The following ZNF214 variants were observed in gnomAD, a reference collection of about 807,000 sequenced individuals.
ZNF214 encodes BWSCR2-associated zinc finger protein 1.
Under a neutral mutation model 53.9 loss-of-function variants are expected in ZNF214, and 43 were observed. The observed-to-expected ratio is 0.80, with a 90% CI of 0.63 to 1.03. The LOEUF is 1.03. Among genes scored for constraint, ZNF214 ranks in the 50% least tolerant of loss-of-function variants. The probability of loss-of-function intolerance (pLI) is 0.00; values close to 1 mark genes in which losing one functional copy is unlikely to be tolerated. For missense variants in ZNF214, 724 were observed against 719.1 expected (o/e 1.01, Z -0.08); for synonymous variants, 217 against 229.5 (o/e 0.95, Z 0.49).
chr11:7,017,586 A>T (rs1046182385), intron 1 of ZNF214, among the ~76,000 whole-genome samples: 7 of 152,108 alleles, frequency 4.6e-5, no homozygotes, highest in Non-Finnish European at 8.8e-5. Context: ...AAAATACAAA[A>T]AAATTAGCTG....
Position 7,000,368 on chromosome 11 carries a change from C to G in ZNF214, c.1315G>C (p.Glu439Gln). ...CAGTCATCACATTTATAAGGTTTCT[C>G]TCCTGTATGCACTCTCTGATGAATT... Reference protein sequence around the residue: ...LQIHQRVHTGEKPYKCDDCGK... With the variant: ...LQIHQRVHTGQKPYKCDDCGK... The change falls in exon 3 of 3, where the codon GAG becomes CAG. Residue 439 changes from glutamate to glutamine, a missense_variant. Transcript: ENST00000278314. 1 of 1,613,436 alleles carries G rather than the reference C, an allele frequency of 6.2e-7. No individual in the cohort carries two copies. The highest frequency in any genetic ancestry group is 8.5e-7 in the Non-Finnish European group (1 of 1,179,588).
At position 6,999,595 on chromosome 11, in the gene ZNF214, GAAGA is replaced by G. The variant is rs1487872928; in HGVS notation, c.*263_*266del. 1 of 249,670 alleles carries G rather than the reference GAAGA, an allele frequency of 4.0e-6. No homozygotes were observed. Among genetic ancestry groups the G allele is most frequent in the Non-Finnish European group, 7.6e-6 (1 of 132,312 alleles). 15.5% of individuals were successfully genotyped at this position (249,670 alleles called of 1,614,324 possible). ...AAAAAAGACTAGAATGAAATAGAAT[GAAGA>G]GTTTTCTCCTTAAATGTTTAATATA... On this transcript the variant is annotated 3_prime_UTR_variant, in exon 3 of 3. Transcript: ENST00000278314.
intron 1 of ZNF214, among the ~76,000 whole-genome samples, chr11:7,012,032 G>T (rs2133408468): frequency 6.6e-6 from 1 of 152,262 alleles, no homozygotes; most frequent in East Asian, 1.9e-4. Context: ...TATTCAGATG[G>T]CTATTCTGAG....
Position 7,000,070 on chromosome 11 carries a change from C to T in ZNF214, c.1613G>A (p.Ser538Asn). ...CHDCGKGFSH[S>N]SNLHIHQRVH... ...CCTCTGATGAATGTGAAGATTAGAA[C>T]TGTGACTAAAACCCTTTCCACAATC... The change falls in exon 3 of 3, where the codon AGT (serine) becomes AAT (asparagine). Residue 538 changes from serine to asparagine, a missense_variant. Ser to Asn is a conservative substitution (Grantham distance 46). Coordinates refer to ENST00000278314, the MANE Select transcript of ZNF214 (RefSeq NM_013249.4). 6.2e-7 allele frequency: 1 copy of T among 1,613,362 alleles called. No homozygotes were observed. Among genetic ancestry groups the T allele is most frequent in the African/African-American group, 1.3e-5 (1 of 74,960 alleles).
Position 7,001,267 on chromosome 11 carries a change from C to A in ZNF214, c.416G>T (p.Trp139Leu). Residue 139 changes from tryptophan (W) to leucine (L), a missense_variant, in exon 3 of 3, where the codon TGG becomes TTG. Physicochemically the swap from Trp to Leu is moderately conservative, Grantham distance 61. Transcript: ENST00000278314. The stretch of plus-strand genomic sequence containing the variant: ...AGTGGTTTTTGTTTCTAAGGACTGC[C>A]AAGGCATAAAATTTTTATATTTTAA... ...RNLKYKNFMP[W>L]QSLETKTTQD... is the part of the protein sequence containing the mutation. The A allele has an allele frequency of 6.2e-7, 1 of 1,613,112 alleles. No individual in the cohort carries two copies. The highest frequency in any genetic ancestry group is 8.5e-7 in the Non-Finnish European group (1 of 1,179,436).
chr11:7,014,816 A>AC (rs1851717450), intron 1 of ZNF214, among the ~76,000 whole-genome samples: 1 of 148,992 alleles, frequency 6.7e-6, no homozygotes, highest in Non-Finnish European at 1.5e-5. Flanking sequence ...AAAAAAAAAA[A>AC]AAACAAAAAA....
At position 7,000,802 on chromosome 11, in the gene ZNF214, T is replaced by C. The variant is rs757977436; in HGVS notation, c.881A>G (p.Gln294Arg). ...AGGTACCTCCCCTATGTGAACTCTC[T>C]GATGAAAGTGAACTCCGGAGCTCTG... is the stretch of plus-strand genomic sequence containing the variant. ...FHQSSGVHFH[Q>R]RVHIGEVPYS... Residue 294 changes from glutamine (Q) to arginine (R), a missense_variant, in exon 3 of 3, where the codon CAG (glutamine) becomes CGG (arginine). Coordinates refer to ENST00000278314, the MANE Select transcript of ZNF214 (RefSeq NM_013249.4). 9 of 1,611,222 alleles carry C rather than the reference T, an allele frequency of 5.6e-6. No individual in the cohort carries two copies. In the African/African-American group the frequency reaches 1.1e-4, roughly 19 times the overall value.
chr11:6,999,252 G>A lies in ZNF214; in HGVS notation c.*610C>T, dbSNP rs985103037. On this transcript the variant is annotated 3_prime_UTR_variant, in exon 3 of 3. Coordinates refer to ENST00000278314, the MANE Select transcript of ZNF214 (RefSeq NM_013249.4). ...GAAGCACCCCTGCAACAGAAGGATG[G>A]TCCCTGGGTTTTCTGGTTGACAGAG... is the stretch of plus-strand genomic sequence containing the variant. 6.6e-6 allele frequency: 1 copy of A among 152,234 alleles called. No individual in the cohort carries two copies. Among genetic ancestry groups the A allele is most frequent in the African/African-American group, 2.4e-5 (1 of 41,406 alleles). 9.4% of individuals were successfully genotyped at this position (152,234 alleles called of 1,614,324 possible).
At position 6,997,204 on chromosome 11, in the gene ZNF214, G is replaced by T. The variant is rs181586765; in HGVS notation, c.*2658C>A. On this transcript the variant is annotated 3_prime_UTR_variant, in exon 3 of 3. Coordinates refer to ENST00000278314, the MANE Select transcript of ZNF214 (RefSeq NM_013249.4). ...AAGAATTTAGAAAACTAATGATTTT[G>T]TATTTTTGCCCAACTTAATGAGTTT... is the stretch of plus-strand genomic sequence containing the variant. Among the ~76,000 whole-genome samples the T allele has an allele frequency of 2.0e-5, 3 of 151,706 alleles. No individual in the cohort carries two copies. Among genetic ancestry groups the T allele is most frequent in the African/African-American group, 7.3e-5 (3 of 41,342 alleles).
At chr11:7,012,122 C>T (rs980544185) in intron 1 of ZNF214, among the ~76,000 whole-genome samples, 1 of 152,120 alleles carries the variant, frequency 6.6e-6, no homozygotes, top group South Asian at 2.1e-4. Flanking sequence ...AACAGGAAGA[C>T]TACCAGATAC....
intron 1 of ZNF214, among the ~76,000 whole-genome samples, chr11:7,005,985 C>A (rs1851462525): frequency 6.6e-6 from 1 of 152,008 alleles, no homozygotes; most frequent in African/African-American, 2.4e-5. Flanking sequence ...TGGGGCAAAG[C>A]AATCACCAAC....
chr11:7,003,074 A>G (rs1447241067), intron 1 of ZNF214, among the ~76,000 whole-genome samples: 2 of 152,012 alleles, frequency 1.3e-5, no homozygotes, highest in Non-Finnish European at 2.9e-5. Flanking sequence ...GCACTTGTCT[A>G]CTAAGTTTTT....
rs1319123549 is a variant in ZNF214 at position 7,001,076 on chromosome 11, C to T, written c.607G>A (p.Val203Met). 1.9e-6 allele frequency: 3 copies of T among 1,613,180 alleles called. No individual in the cohort carries two copies. In the African/African-American group the frequency reaches 4.0e-5, roughly 22 times the overall value. Residue 203 changes from valine to methionine, a missense_variant, in exon 3 of 3, where the codon GTG (valine) becomes ATG (methionine). Transcript: ENST00000278314. ...CTCAGTAGGTCTTCTTGACATATCA[C>T]CCCAACATACTGTGGAAGGGCTTCC... ...VEEALPQYVG[V>M]ICQEDLLRDS...
Position 7,000,798 on chromosome 11 carries a change from TCTCTGATGAAAGTGAACTCCGGAG to T in ZNF214, c.861_884del (p.Ser287_Gln294del), listed in dbSNP as rs1186551218. On this transcript the variant is annotated inframe_deletion, in exon 3 of 3. Transcript: ENST00000278314. ...TATAAGGTACCTCCCCTATGTGAAC[TCTCTGATGAAAGTGAACTCCGGAG>T]CTCTGATGAAAGTTACCGTCAACTT... 2 of 1,611,046 alleles carry T rather than the reference TCTCTGATGAAAGTGAACTCCGGAG, an allele frequency of 1.2e-6. No individual in the cohort carries two copies. Among genetic ancestry groups the T allele is most frequent in the Non-Finnish European group, 8.5e-7 (1 of 1,179,204 alleles).
At chr11:7,013,146 C>A (rs572592282) in intron 1 of ZNF214, among the ~76,000 whole-genome samples, 1 of 152,238 alleles carries the variant, frequency 6.6e-6, no homozygotes, top group South Asian at 2.1e-4. Context: ...AAAAGAAAGT[C>A]AAGCAAAAGC....
In ZNF214 at chr11:7,006,862, T is replaced by C. The variant is rs114675722; in HGVS notation, c.-20-4007A>G. ...GTAACCTAAATATATTTTAAACATA[T>C]ACACTTACCTATTTTTCTAATAAGT... is the stretch of plus-strand genomic sequence containing the variant. On this transcript the variant is annotated intron_variant, in intron 1 of 2. Transcript: ENST00000278314. Among the ~76,000 whole-genome samples, 1,123 of 152,140 alleles carry C rather than the reference T, an allele frequency of 7.4e-3. 12 individuals carry two copies. The highest frequency in any genetic ancestry group is 0.02 in the African/African-American group (833 of 41,556).
Position 6,997,905 on chromosome 11 carries a change from TG to T in ZNF214, c.*1956del, listed in dbSNP as rs1303066269. ...ATTTGTACACTTTACACTCAGCATT[TG>T]TATATTTTTATTGCACATTTAATTT... On this transcript the variant is annotated 3_prime_UTR_variant, in exon 3 of 3. Coordinates refer to ENST00000278314, the MANE Select transcript of ZNF214 (RefSeq NM_013249.4). Among the ~76,000 whole-genome samples, 5 of 151,924 alleles carry T rather than the reference TG, an allele frequency of 3.3e-5. No individual in the cohort carries two copies. The highest frequency in any genetic ancestry group is 1.2e-4 in the African/African-American group (5 of 41,420).
intron 1 of ZNF214, among the ~76,000 whole-genome samples, chr11:7,003,686 C>T (rs1327011227): frequency 6.6e-6 from 1 of 151,862 alleles, no homozygotes; most frequent in Non-Finnish European, 1.5e-5. Flanking sequence ...TTTCCATATA[C>T]TGTCATAATG....
chr11:7,002,138 A>G (rs1233434696), intron 2 of ZNF214, among the ~76,000 whole-genome samples: 6 of 151,912 alleles, frequency 3.9e-5, no homozygotes, highest in Non-Finnish European at 5.9e-5. Flanking sequence ...GCTTTTGAAA[A>G]TCCCGTGACC....
Sources: gnomAD v4.1 joint callset for allele counts (sites outside exome capture counted in the v4.1 genomes callset) on GRCh38, gnomAD v4.1.1 for gene constraint, MANE v1.5 for transcripts, NCBI Gene and HGNC (gene_info 2026-07-23, HGNC 2026-07-21) for gene names.